KCNAB2: variants seen among roughly 807,000 people sequenced by gnomAD.
The protein encoded by KCNAB2 is potassium voltage-gated channel subfamily A regulatory beta subunit 2.
Under a neutral mutation model 63.6 loss-of-function variants are expected in KCNAB2, and 29 were observed. That is an observed-to-expected ratio of 0.46 (90% CI 0.34 to 0.62). KCNAB2 has a LOEUF of 0.62. KCNAB2 is among the 20% of genes least tolerant of loss of function. The pLI is 0.01. For synonymous variants in KCNAB2, 222 were observed against 224.2 expected (o/e 0.99, Z 0.09); for missense variants, 359 against 563.9 (o/e 0.64, Z 3.68).
At chr1:6,053,242 G>A (rs1024935315) in intron 2 of KCNAB2, among the ~76,000 whole-genome samples, 1 of 152,092 alleles carries the variant, frequency 6.6e-6, no homozygotes, top group Non-Finnish European at 1.5e-5. Context: ...TTCATGAGGG[G>A]CTGGTCATTG....
chr1:6,061,391 A>G (rs909166026), intron 2 of KCNAB2, among the ~76,000 whole-genome samples: 2 of 152,136 alleles, frequency 1.3e-5, no homozygotes, highest in Non-Finnish European at 2.9e-5. Flanking sequence ...CTGTCATCCC[A>G]GCACCGGGCC....
chr1:6,083,884 G>C (rs1348112860), intron 5 of KCNAB2, among the ~76,000 whole-genome samples: 1 of 152,242 alleles, frequency 6.6e-6, no homozygotes, highest in African/African-American at 2.4e-5. Context: ...ATCACAGCCA[G>C]AGCCACAAGC....
intron 1 of KCNAB2, among the ~76,000 whole-genome samples, chr1:6,020,113 T>G (rs556591655): frequency 6.6e-6 from 1 of 152,298 alleles, no homozygotes; most frequent in African/African-American, 2.4e-5. Flanking sequence ...CTCGGAGGCT[T>G]CACGACATGT....
At chr1:6,070,115 A>C (rs1195836204) in intron 2 of KCNAB2, among the ~76,000 whole-genome samples, 1 of 152,230 alleles carries the variant, frequency 6.6e-6, no homozygotes, top group Non-Finnish European at 1.5e-5. Context: ...GGTGGGGGCC[A>C]GGCCTCCCTT....
rs1264731146 is a variant in KCNAB2 at position 6,051,591 on chromosome 1, T to A, written c.55T>A (p.Ser19Thr). The A allele has an allele frequency of 6.5e-7, 1 of 1,534,680 alleles. No homozygotes were observed. The highest frequency in any genetic ancestry group is 8.7e-7 in the Non-Finnish European group (1 of 1,146,400). Residue 19 changes from serine to threonine, a missense_variant, in exon 2 of 16, where the codon TCT (serine) becomes ACT (threonine). By Grantham distance (58) the Ser-to-Thr change is moderately conservative. Transcript: ENST00000378083. ...GCGGAGCGTGAGCAGCAGGTGCCACTCTGAATGGGCCCTGCACCCCGTCCG... is the reference window on the plus strand; with the variant it reads ...GCGGAGCGTGAGCAGCAGGTGCCACACTGAATGGGCCCTGCACCCCGTCCG... Reference protein sequence around the residue: ...SLRSVSSRCHSEWALHPVRQT... With the variant: ...SLRSVSSRCHTEWALHPVRQT...
At chr1:6,039,733 G>A (rs747268620) in intron 1 of KCNAB2, among the ~76,000 whole-genome samples, 64 of 152,312 alleles carry the variant, frequency 4.2e-4, no homozygotes, top group Admixed American at 1.4e-3. Flanking sequence ...TCCCTCGTTC[G>A]TTTGAAGGAC....
In KCNAB2 at chr1:6,035,166, C is replaced by A. The variant is rs1455592722; in HGVS notation, c.-53+372C>A. 6.6e-6 allele frequency among the ~76,000 whole-genome samples: 1 copy of A among 151,980 alleles called. No homozygotes were observed. Among genetic ancestry groups the A allele is most frequent in the Non-Finnish European group, 1.5e-5 (1 of 68,002 alleles). On this transcript the variant is annotated intron_variant, in intron 1 of 15. Coordinates refer to the KCNAB2 transcript ENST00000164247. This position sits in a 1 kb window ranked among gnomAD's most constrained non-coding sequence, Gnocchi z 5.0. ...GCCGGAGGAGGAGGAGTGCATGAAG[C>A]CCTGAGGTGGGAGTGAGTCTGTCTG...
chr1:6,057,709 C>A (rs956111653), intron 2 of KCNAB2, among the ~76,000 whole-genome samples: 1 of 152,192 alleles, frequency 6.6e-6, no homozygotes, highest in Non-Finnish European at 1.5e-5. Flanking sequence ...CAGGGAGGGT[C>A]CTTTTTGCCT....
intron 13 of KCNAB2, among the ~76,000 whole-genome samples, chr1:6,095,864 T>C (rs1413306918): frequency 6.4e-4 from 53 of 83,384 alleles, no homozygotes; most frequent in South Asian, 1.7e-3. Flanking sequence ...CCCTTTCACA[T>C]CCCCCCCCCT....
At chr1:6,090,306 C>A in intron 8 of KCNAB2, 83 bp from the exon 9 acceptor site, 1 of 959,718 alleles carries the variant, frequency 1.0e-6, no homozygotes, top group Non-Finnish European at 1.6e-6. Flanking sequence ...ATCTCTTGTT[C>A]CCTGAGCCGG....
At chr1:6,097,158 A>G (rs1665711555) in intron 14 of KCNAB2, 111 bp from the exon 15 acceptor site, 1 of 1,268,040 alleles carries the variant, frequency 7.9e-7, no homozygotes, top group African/African-American at 1.5e-5. Flanking sequence ...AGACCCCCTC[A>G]GACCCCCAGA....
upstream of KCNAB2, among the ~76,000 whole-genome samples, chr1:6,030,611 G>A (rs1405532544): frequency 6.6e-6 from 1 of 151,736 alleles, no homozygotes; most frequent in Non-Finnish European, 1.5e-5. Flanking sequence ...ATCTGTATGT[G>A]TGTAGGTATG....
intron 2 of KCNAB2, among the ~76,000 whole-genome samples, chr1:6,057,966 T>C (rs905794970): frequency 6.6e-6 from 1 of 152,102 alleles, no homozygotes; most frequent in African/African-American, 2.4e-5. Flanking sequence ...GCCTGAGCAA[T>C]GTGGCAAAAC....
chr1:6,050,586 A>G (rs1487648520), intron 1 of KCNAB2, among the ~76,000 whole-genome samples: 1 of 152,194 alleles, frequency 6.6e-6, no homozygotes. Context: ...TCACTCACTC[A>G]CTATGTTGAG....
intron 1 of KCNAB2, among the ~76,000 whole-genome samples, chr1:6,007,204 G>C (rs1212314360): frequency 6.6e-6 from 1 of 152,054 alleles, no homozygotes; most frequent in Admixed American, 6.5e-5. Context: ...CACTGCATGG[G>C]GGGGGCTCAG....
intron 1 of KCNAB2, among the ~76,000 whole-genome samples, chr1:6,034,945 G>T (rs548247457): frequency 6.6e-6 from 1 of 152,254 alleles, no homozygotes; most frequent in Admixed American, 6.5e-5. Flanking sequence ...AGTAGGTGGA[G>T]GAGAAGGCGT....
rs761012671 is a variant in KCNAB2, at chr1:6,073,857, C to T, written c.300+87C>T. 7.2e-6 allele frequency: 10 copies of T among 1,386,172 alleles called. No homozygotes were observed. The highest frequency in any genetic ancestry group is 2.3e-5 in the South Asian group (2 of 86,556). The allele number at this position is 1,386,172 out of a possible 1,614,324, so 85.9% of individuals were successfully genotyped here. On this transcript the variant is annotated intron_variant, in intron 4 of 15. Coordinates refer to ENST00000378083, the MANE Select transcript of KCNAB2 (RefSeq NM_001199862.2). The surrounding 1 kb of genome is among the most constrained non-coding windows in gnomAD (Gnocchi z 5.7). ...AGTCTGCCGCGTGGACCAGTGAGCACGTGCTCCCGGGAGCCAGCGCAGCAG... is the reference window on the plus strand; with the variant it reads ...AGTCTGCCGCGTGGACCAGTGAGCATGTGCTCCCGGGAGCCAGCGCAGCAG...
upstream of KCNAB2, among the ~76,000 whole-genome samples, chr1:6,044,191 C>G (rs1429500710): frequency 3.9e-5 from 6 of 152,168 alleles, no homozygotes; most frequent in African/African-American, 1.4e-4. Context: ...GTGGGAGGAG[C>G]TATAAAGTCA....
rs568115300 is a variant in KCNAB2 at position 6,069,893 on chromosome 1, G to A, written c.219-2862G>A. Among the ~76,000 whole-genome samples, 170 of 152,278 alleles carry A rather than the reference G, an allele frequency of 1.1e-3. 1 individual carries two copies. The highest frequency in any genetic ancestry group is 3.2e-3 in the African/African-American group (133 of 41,554). ...TCCTGTGGGTGGTGGGTGGAAGAGC[G>A]GCTGAACCCAGAGCCCACTCGGGGA... On this transcript the variant is annotated intron_variant, in intron 2 of 15. Transcript: ENST00000378083. The surrounding 1 kb of genome is among the most constrained non-coding windows in gnomAD (Gnocchi z 5.4).
Sources: gnomAD v4.1 joint callset for allele counts (sites outside exome capture counted in the v4.1 genomes callset) on GRCh38, gnomAD v4.1.1 for gene constraint, Gnocchi (gnomAD v3.1) non-coding constraint, MANE v1.5 for transcripts, NCBI Gene and HGNC (gene_info 2026-07-23, HGNC 2026-07-21) for gene names.